ANO2: variants seen among roughly 807,000 people sequenced by gnomAD.
The protein encoded by ANO2 is anoctamin 2.
A neutral mutation model predicts 124.2 loss-of-function variants in ANO2; 101 were observed. The ratio of observed to expected loss-of-function variants is 0.81; its 90% CI spans 0.69 to 0.96. The LOEUF is 0.96. Ranked by LOEUF, ANO2 falls within the 40% of genes least tolerant of loss-of-function variation. The pLI, the probability that ANO2 is intolerant of heterozygous loss-of-function variation, is 0.00. For missense variants in ANO2, 1,293 were observed against 1,274.5 expected, an observed-to-expected ratio of 1.01 and a Z score of -0.22; for synonymous variants, 486 against 482.5, an observed-to-expected ratio of 1.01 and a Z score of -0.09.
At chr12:5,856,791 T>C (rs975572163) in intron 3 of ANO2, among the ~76,000 whole-genome samples, 2 of 152,224 alleles carry the variant, frequency 1.3e-5, no homozygotes, top group African/African-American at 2.4e-5. Context: ...CTACCTTGTT[T>C]ATCCACGGTG....
chr12:5,869,840 A>G (rs1955524413), intron 3 of ANO2, among the ~76,000 whole-genome samples: 1 of 152,178 alleles, frequency 6.6e-6, no homozygotes, highest in Non-Finnish European at 1.5e-5. Flanking sequence ...TTCAAAACCA[A>G]TAATCATGAT....
chr12:5,690,768 A>G (rs970845041), intron 14 of ANO2, among the ~76,000 whole-genome samples: 6 of 152,182 alleles, frequency 3.9e-5, no homozygotes, highest in African/African-American at 1.4e-4. Flanking sequence ...TAAGCTCAGG[A>G]AGAATCACCT....
At chr12:5,652,487 T>C (rs118000056) in intron 14 of ANO2, among the ~76,000 whole-genome samples, 1,904 of 152,198 alleles carry the variant, frequency 0.013, 20 homozygotes, top group Middle Eastern at 0.024. Context: ...TTTATATTAG[T>C]TTTTACCTAA....
At chr12:5,572,526 G>A (rs1340229970) in intron 23 of ANO2, among the ~76,000 whole-genome samples, 1 of 152,160 alleles carries the variant, frequency 6.6e-6, no homozygotes, top group East Asian at 1.9e-4. Context: ...TTGCCCTATT[G>A]TCAATCATTA....
At chr12:5,682,622 G>A (rs901175859) in intron 14 of ANO2, among the ~76,000 whole-genome samples, 13 of 152,192 alleles carry the variant, frequency 8.5e-5, no homozygotes, top group African/African-American at 3.1e-4. Flanking sequence ...TGCAAGCCAA[G>A]AAATACCACG....
At chr12:5,721,499 GTTT>G (rs531965246) in intron 14 of ANO2, among the ~76,000 whole-genome samples, 1 of 133,514 alleles carries the variant, frequency 7.5e-6, no homozygotes, top group Non-Finnish European at 1.7e-5. Flanking sequence ...TTGGTTTTGG[GTTT>G]TTTTTTTTTG....
At chr12:5,667,292 CCA>C (rs1491192284) in intron 14 of ANO2, among the ~76,000 whole-genome samples, 1 of 142,946 alleles carries the variant, frequency 7.0e-6, no homozygotes, top group African/African-American at 2.6e-5. Flanking sequence ...GATCAAGTTC[CCA>C]CACTTCACAG....
intron 12 of ANO2, among the ~76,000 whole-genome samples, chr12:5,740,626 C>G (rs944734634): frequency 1.3e-5 from 2 of 152,058 alleles, no homozygotes; most frequent in African/African-American, 4.8e-5. Flanking sequence ...AAGCTGTGGG[C>G]CTGCGAAGAG....
intron 7 of ANO2, among the ~76,000 whole-genome samples, chr12:5,818,869 G>T (rs1374209990): frequency 1.3e-5 from 2 of 152,146 alleles, no homozygotes; most frequent in Non-Finnish European, 2.9e-5. Context: ...TTGCTCCTAA[G>T]TTCAGTGGAC....
At chr12:5,927,911 A>AG (rs1942159098) in intron 1 of ANO2, among the ~76,000 whole-genome samples, 1 of 152,174 alleles carries the variant, frequency 6.6e-6, no homozygotes, top group South Asian at 2.1e-4. Context: ...CCTTCTGAAC[A>AG]GGGGGGAGGG....
intron 2 of ANO2, 104 bp downstream of exon 2, chr12:5,922,516 G>T (rs978045879): frequency 7.9e-7 from 1 of 1,273,692 alleles, no homozygotes; most frequent in Non-Finnish European, 1.0e-6. Context: ...TCTCTTTCAC[G>T]CACACATGTG....
chr12:5,744,797 C>T (rs1251870643), intron 11 of ANO2, among the ~76,000 whole-genome samples: 1 of 152,122 alleles, frequency 6.6e-6, no homozygotes, highest in African/African-American at 2.4e-5. Context: ...GAGTGTGTGG[C>T]TAGACCTGTG....
At chr12:5,565,129 C>A (rs1941673430) in intron 24 of ANO2, among the ~76,000 whole-genome samples, 1 of 152,166 alleles carries the variant, frequency 6.6e-6, no homozygotes, top group South Asian at 2.1e-4. Context: ...TAAAACAACA[C>A]TAACAAAGGA....
At chr12:5,718,665 G>A (rs1168324666) in intron 14 of ANO2, among the ~76,000 whole-genome samples, 1 of 152,186 alleles carries the variant, frequency 6.6e-6, no homozygotes, top group African/African-American at 2.4e-5. Flanking sequence ...GTGGATCTCC[G>A]AAGGGACACT....
intron 3 of ANO2, among the ~76,000 whole-genome samples, chr12:5,914,844 G>T (rs1941286665): frequency 6.6e-6 from 1 of 152,186 alleles, no homozygotes; most frequent in South Asian, 2.1e-4. Flanking sequence ...ACTGTGCCTG[G>T]TTCTCAGACC....
intron 16 of ANO2, among the ~76,000 whole-genome samples, chr12:5,634,112 A>T (rs1945876749): frequency 6.6e-6 from 1 of 152,246 alleles, no homozygotes; most frequent in Non-Finnish European, 1.5e-5. Context: ...GAAGAAACAC[A>T]GATAACGTTC....
At chr12:5,633,240 C>T (rs918798064) in intron 16 of ANO2, among the ~76,000 whole-genome samples, 6 of 152,188 alleles carry the variant, frequency 3.9e-5, no homozygotes, top group African/African-American at 1.4e-4. Context: ...TGGAGGGGAG[C>T]AAAGGGCCTG....
Position 5,615,216 on chromosome 12 carries a change from G to T in ANO2, c.1898C>A (p.Pro633His). The T allele has an allele frequency of 6.2e-7, 1 of 1,613,680 alleles. No individual in the cohort carries two copies. The highest frequency in any genetic ancestry group is 1.3e-5 in the African/African-American group (1 of 75,012). ...TTTGAAAAAGGCCACATAGAAGATG[G>T]GGGAGTAGGCATTGACAAACTTGAG... is the stretch of plus-strand genomic sequence containing the variant. ...FLLKFVNAYS[P>H]IFYVAFFKGR... The change falls in exon 17 of 25, where the codon CCC becomes CAC. Residue 633 changes from proline to histidine, a missense_variant. Pro to His is a moderately conservative substitution (Grantham distance 77, BLOSUM62 -2). Coordinates refer to ENST00000682330, the MANE Select transcript of ANO2 (RefSeq NM_001364791.2).
chr12:5,652,707 A>T (rs1946970181), intron 14 of ANO2, among the ~76,000 whole-genome samples: 1 of 152,108 alleles, frequency 6.6e-6, no homozygotes, highest in Non-Finnish European at 1.5e-5. Context: ...GACTGAAGTT[A>T]TGCATTTGGG....
Sources: gnomAD v4.1 joint callset for allele counts (sites outside exome capture counted in the v4.1 genomes callset) on GRCh38, gnomAD v4.1.1 for gene constraint, MANE v1.5 for transcripts, NCBI Gene and HGNC (gene_info 2026-07-23, HGNC 2026-07-21) for gene names.